Variants in GABRA4 observed in about 807,000 individuals in gnomAD.
GABRA4 encodes the protein gamma-aminobutyric acid type A receptor subunit alpha4.
GABRA4 carries 12 observed loss-of-function variants against 49.7 expected under a neutral mutation model. The observed-to-expected ratio is 0.24, with a 90% CI of 0.15 to 0.39. The LOEUF (loss-of-function observed/expected upper bound fraction) is 0.39. Among genes scored for constraint, GABRA4 ranks in the 10% least tolerant of loss-of-function variants. The probability of loss-of-function intolerance (pLI) is 1.00; values close to 1 mark genes in which losing one functional copy is unlikely to be tolerated. For synonymous variants in GABRA4, 288 were observed against 240.2 expected (o/e 1.20, Z -1.84); for missense variants, 506 against 686.0 (o/e 0.74, Z 2.93).
In GABRA4 at chr4:46,965,065, G is replaced by A; in HGVS notation, c.1039C>T (p.Gln347Ter). ...FAAVNYFTNI[Q>*]MEKAKRKTSK... Reference sequence around the variant, plus strand: ...GTCTTCCTTTTGGCTTTTTCCATTTGAATATTGGTGAAATAGTTGACAGCA... The same window carrying A: ...GTCTTCCTTTTGGCTTTTTCCATTTAAATATTGGTGAAATAGTTGACAGCA... Residue 347 changes from glutamine (Q) to a stop codon, truncating the protein, a stop_gained, in exon 8 of 9, where the codon CAA (glutamine) becomes TAA (stop). Transcript: ENST00000264318. LOFTEE classifies it high-confidence loss of function. 6.2e-7 allele frequency: 1 copy of A among 1,612,042 alleles called. No individual in the cohort carries two copies. Among genetic ancestry groups the A allele is most frequent in the Non-Finnish European group, 8.5e-7 (1 of 1,178,820 alleles).
At chr4:46,929,885 G>C (rs963374146) in intron 8 of GABRA4, among the ~76,000 whole-genome samples, 1 of 152,060 alleles carries the variant, frequency 6.6e-6, no homozygotes, top group Admixed American at 6.6e-5. Context: ...TAATAAAAGG[G>C]TGATTGGAAG....
rs1483834745 is a variant in GABRA4, at chr4:46,921,152, G to A, written c.*7073C>T. 6.6e-6 allele frequency: 1 copy of A among 150,486 alleles called. No individual in the cohort carries two copies. Among genetic ancestry groups the A allele is most frequent in the Non-Finnish European group, 1.5e-5 (1 of 67,542 alleles). 9.3% of individuals were successfully genotyped at this position (150,486 alleles called of 1,614,324 possible). A position where few individuals can be genotyped will look rare whatever the true frequency, so the allele number is the denominator to read the frequency against. On this transcript the variant is annotated 3_prime_UTR_variant, in exon 9 of 9. Transcript: ENST00000264318. The stretch of plus-strand genomic sequence containing the variant: ...GTATTTCTTTTTTTTTTTAACGGAA[G>A]TAATTAGTGGTAGAGAAAAGCTATT...
chr4:46,974,414 C>T (rs557997037), intron 5 of GABRA4, 39 bp from the exon 6 acceptor site: 1 of 1,573,336 alleles, frequency 6.4e-7, no homozygotes, highest in Non-Finnish European at 8.6e-7. Context: ...GTCAATGCTC[C>T]TTTTTCATCC....
At position 46,925,757 on chromosome 4, in the gene GABRA4, T is replaced by TATTATTATTATC. The variant is rs1553901712; in HGVS notation, c.*2467_*2468insGATAATAATAAT. 4 of 78,866 alleles carry TATTATTATTATC rather than the reference T, an allele frequency of 5.1e-5. No homozygotes were observed. Among genetic ancestry groups the TATTATTATTATC allele is most frequent in the Non-Finnish European group, 1.1e-4 (4 of 35,584 alleles). The allele number at this position is 78,866 out of a possible 1,614,324, so 4.9% of individuals were successfully genotyped here. A position where few individuals can be genotyped will look rare whatever the true frequency, so the allele number is the denominator to read the frequency against. ...TTATTATTATTATTATTATTATTAT[T>TATTATTATTATC]ATCATCATTATTATCATTGTGTGCA... On this transcript the variant is annotated 3_prime_UTR_variant, in exon 9 of 9. Coordinates refer to ENST00000264318, the MANE Select transcript of GABRA4 (RefSeq NM_000809.4).
rs1444279678 is a variant in GABRA4, at chr4:46,923,161, A to C, written c.*5064T>G. The C allele has an allele frequency of 1.3e-5, 2 of 152,046 alleles. No individual in the cohort carries two copies. Among genetic ancestry groups the C allele is most frequent in the Non-Finnish European group, 2.9e-5 (2 of 67,990 alleles). The allele number at this position is 152,046 out of a possible 1,614,324, so 9.4% of individuals were successfully genotyped here. ...TATAGAGACAAAAGGGATTTGACAT[A>C]ATTGGCATTTCTTAAAAAAAAAAAA... On this transcript the variant is annotated 3_prime_UTR_variant, in exon 9 of 9. Transcript: ENST00000264318.
In GABRA4 at chr4:46,974,359, A is replaced by G. The variant is rs1374722091; in HGVS notation, c.594T>C (p.Ser198=). 1.2e-6 allele frequency: 2 copies of G among 1,609,710 alleles called. No homozygotes were observed. Among genetic ancestry groups the G allele is most frequent in the Non-Finnish European group, 1.7e-6 (2 of 1,177,292 alleles). Reference sequence around the variant, plus strand: ...CTTTTGTCCAGGTATAGATCATCTCACTCTTTGGATAGGCATCTAAAAGAG... The same window carrying G: ...CTTTTGTCCAGGTATAGATCATCTCGCTCTTTGGATAGGCATCTAAAAGAG... The part of the protein sequence containing the change: ...LKFGSYAYPK[S]EMIYTWTKGP... The change falls in exon 6 of 9, where the codon AGT becomes AGC. Residue 198 remains serine, a synonymous_variant. Coordinates refer to ENST00000264318, the MANE Select transcript of GABRA4 (RefSeq NM_000809.4).
chr4:46,968,413 C>T (rs528520922), intron 7 of GABRA4, among the ~76,000 whole-genome samples: 128 of 151,308 alleles, frequency 8.5e-4, no homozygotes, highest in African/African-American at 3.0e-3. Context: ...AGCACATATC[C>T]ATGTAATCTC....
intron 8 of GABRA4, among the ~76,000 whole-genome samples, chr4:46,958,027 G>A (rs1370043784): frequency 6.6e-6 from 1 of 151,918 alleles, no homozygotes; most frequent in Non-Finnish European, 1.5e-5. Context: ...TGCATCATAT[G>A]TATATGTGTG....
intron 6 of GABRA4, 34 bp from the exon 7 acceptor site, chr4:46,971,269 G>A (rs760974766): frequency 6.3e-7 from 1 of 1,599,044 alleles, no homozygotes; most frequent in Non-Finnish European, 8.5e-7. Flanking sequence ...TGTGTTATCG[G>A]TTCTGCAGGC....
chr4:46,956,567 C>A (rs926412319), intron 8 of GABRA4, among the ~76,000 whole-genome samples: 5 of 151,760 alleles, frequency 3.3e-5, no homozygotes, highest in Non-Finnish European at 7.4e-5. Context: ...TTTTTTTCCC[C>A]CAAAGTGTCC....
chr4:46,974,129 T>C (rs1723052640), intron 6 of GABRA4, 103 bp downstream of exon 6: 1 of 1,151,054 alleles, frequency 8.7e-7, no homozygotes, highest in Admixed American at 2.3e-5. Context: ...GGAAAATGTT[T>C]GTTGTTCTCC....
At chr4:46,978,799 G>C (rs1723244755) in intron 3 of GABRA4, among the ~76,000 whole-genome samples, 1 of 150,894 alleles carries the variant, frequency 6.6e-6, no homozygotes, top group Non-Finnish European at 1.5e-5. Flanking sequence ...TAATAGGAAA[G>C]TTCTTCTCTT....
chr4:46,944,400 C>G lies in GABRA4; in HGVS notation c.1135-15645G>C, dbSNP rs1250182537. On this transcript the variant is annotated intron_variant, in intron 8 of 8. Coordinates refer to ENST00000264318, the MANE Select transcript of GABRA4 (RefSeq NM_000809.4). ...GAAGGTCCCAAGCATAATGAGCACA[C>G]AGTGGTAAACCCGCTCATTAATGAC... 6.6e-5 allele frequency among the ~76,000 whole-genome samples: 10 copies of G among 152,268 alleles called. 1 individual carries two copies. The highest frequency in any genetic ancestry group is 3.9e-4 in the Admixed American group (6 of 15,286).
At position 46,953,449 on chromosome 4, in the gene GABRA4, T is replaced by C. The variant is rs1722240893; in HGVS notation, c.1134+11521A>G. 3.9e-5 allele frequency among the ~76,000 whole-genome samples: 6 copies of C among 152,298 alleles called. No individual in the cohort carries two copies. In the South Asian group the frequency reaches 1.2e-3, roughly 32 times the overall value. On this transcript the variant is annotated intron_variant, in intron 8 of 8. Coordinates refer to ENST00000264318, the MANE Select transcript of GABRA4 (RefSeq NM_000809.4). ...TAAAACAACAGATGTTGTAAATAAGTATTGTTAATTGAATATGTTGATGCA... is the reference window on the plus strand; with the variant it reads ...TAAAACAACAGATGTTGTAAATAAGCATTGTTAATTGAATATGTTGATGCA...
At chr4:46,986,377 C>T (rs1723538855) in intron 2 of GABRA4, among the ~76,000 whole-genome samples, 1 of 152,038 alleles carries the variant, frequency 6.6e-6, no homozygotes, top group South Asian at 2.1e-4. Flanking sequence ...CTTACTTCAT[C>T]TGTCAGGAGC....
intron 2 of GABRA4, among the ~76,000 whole-genome samples, chr4:46,991,670 C>A (rs1160845672): frequency 6.6e-6 from 1 of 152,168 alleles, no homozygotes; most frequent in Non-Finnish European, 1.5e-5. Context: ...AAATACACAG[C>A]CTGCTCTGGG....
At chr4:46,989,446 C>A (rs566882398) in intron 2 of GABRA4, among the ~76,000 whole-genome samples, 1 of 152,224 alleles carries the variant, frequency 6.6e-6, no homozygotes, top group South Asian at 2.1e-4. Flanking sequence ...AGTCGGAAAC[C>A]AGCTTCTGTC....
chr4:46,922,945 A>T lies in GABRA4; in HGVS notation c.*5280T>A, dbSNP rs1056586025. 3 of 152,144 alleles carry T rather than the reference A, an allele frequency of 2.0e-5. No individual in the cohort carries two copies. The highest frequency in any genetic ancestry group is 6.6e-5 in the Admixed American group (1 of 15,248). The allele number at this position is 152,144 out of a possible 1,614,324, so 9.4% of individuals were successfully genotyped here. On this transcript the variant is annotated 3_prime_UTR_variant, in exon 9 of 9. Transcript: ENST00000264318. ...AACAGGAGGTGAGTGGCACCCATTG[A>T]GCATTATCGCCTGAGCTCTGCCTCC...
intron 8 of GABRA4, among the ~76,000 whole-genome samples, chr4:46,955,996 C>T (rs944745140): frequency 2.6e-5 from 4 of 152,166 alleles, no homozygotes; most frequent in Admixed American, 2.0e-4. Flanking sequence ...TGTTCTAATG[C>T]TTAGCATATC....
Sources: allele counts gnomAD v4.1 joint callset (sites outside exome capture counted in the v4.1 genomes callset), GRCh38; gene constraint gnomAD v4.1.1; transcripts MANE v1.5; gene names NCBI Gene and HGNC (gene_info 2026-07-23, HGNC 2026-07-21).